Variants in SRGAP2C observed in about 807,000 individuals in gnomAD.
SRGAP2C encodes SLIT-ROBO Rho GTPase activating protein 2C.
Under a neutral mutation model 25.1 loss-of-function variants are expected in SRGAP2C, and 15 were observed. The observed-to-expected ratio is 0.60, with a 90% confidence interval of 0.40 to 0.92. SRGAP2C has a LOEUF of 0.92. SRGAP2C is among the 40% of genes least tolerant of loss of function. SRGAP2C has a pLI of 0.00. For missense variants in SRGAP2C, 144 were observed against 264.4 expected, an observed-to-expected ratio of 0.54 and a Z score of 3.16; for synonymous variants, 44 against 96.6, an observed-to-expected ratio of 0.46 and a Z score of 3.19.
rs1432890029 is a variant in SRGAP2C at position 121,267,791 on chromosome 1, C to T, written c.68-17012C>T. 2.4e-3 allele frequency among the ~76,000 whole-genome samples: 318 copies of T among 131,954 alleles called. 3 individuals carry two copies. The highest frequency in any genetic ancestry group is 3.8e-3 in the Middle Eastern group (1 of 260). 86.6% of individuals were successfully genotyped at this position (131,954 alleles called of 152,430 possible). ...TAAATAATGAAGGAAAAACACTTGT[C>T]AAAATATAGCAGAGGTGACTAGATA... is the stretch of plus-strand genomic sequence containing the variant. On this transcript the variant is annotated intron_variant, in intron 2 of 9. Coordinates refer to ENST00000367123, the MANE Select transcript of SRGAP2C (RefSeq NM_001329984.2).
chr1:121,268,046 G>C lies in SRGAP2C; in HGVS notation c.68-16757G>C, dbSNP rs1391685809. Among the ~76,000 whole-genome samples, 384 of 144,986 alleles carry C rather than the reference G, an allele frequency of 2.6e-3. 3 individuals are homozygous for C. The highest frequency in any genetic ancestry group is 4.5e-3 in the Non-Finnish European group (291 of 65,202). On this transcript the variant is annotated intron_variant, in intron 2 of 9. Coordinates refer to ENST00000367123, the MANE Select transcript of SRGAP2C (RefSeq NM_001329984.2). ...GTGCTTACTCTATGTGAGGCACTGT[G>C]GCATCGGGGATCAGCAGGGAACAAA...
intron 4 of SRGAP2C, among the ~76,000 whole-genome samples, chr1:121,338,491 T>C (rs1386787703): frequency 9.5e-6 from 1 of 105,238 alleles, no homozygotes; most frequent in East Asian, 2.5e-4. Flanking sequence ...TCTGGTCTTT[T>C]AGTTTTTCTA....
intron 2 of SRGAP2C, among the ~76,000 whole-genome samples, chr1:121,212,985 C>T (rs1308005136): frequency 1.6e-5 from 2 of 127,910 alleles, no homozygotes; most frequent in African/African-American, 2.8e-5. Context: ...TCCAGTTTGA[C>T]CTACTTAACA....
At chr1:121,346,603 A>T (rs1413327419) in intron 4 of SRGAP2C, among the ~76,000 whole-genome samples, 5 of 152,134 alleles carry the variant, frequency 3.3e-5, no homozygotes, top group African/African-American at 1.2e-4. Flanking sequence ...GCGAGAGAAG[A>T]AAGAGTTAAG....
At chr1:121,223,291 A>G (rs1655579145) in intron 2 of SRGAP2C, among the ~76,000 whole-genome samples, 1 of 147,314 alleles carries the variant, frequency 6.8e-6, no homozygotes, top group African/African-American at 2.5e-5. Context: ...TGCTTTATGG[A>G]TTTAAAAGGT....
chr1:121,372,749 A>G lies in SRGAP2C; in HGVS notation c.487-1222A>G, dbSNP rs1400146788. ...TATCTTTAGAAATAGAAATAATAAC[A>G]GTGTCTTTCACAGAGTTATTGTAAG... On this transcript the variant is annotated intron_variant, in intron 5 of 9. Transcript: ENST00000367123. Among the ~76,000 whole-genome samples the G allele has an allele frequency of 1.0e-4, 7 of 68,680 alleles. 1 individual carries two copies. Among genetic ancestry groups the G allele is most frequent in the African/African-American group, 2.2e-4 (3 of 13,708 alleles). 45.1% of individuals were successfully genotyped at this position (68,680 alleles called of 152,430 possible). A position where few individuals can be genotyped will look rare whatever the true frequency, so the allele number is the denominator to read the frequency against.
chr1:121,347,816 C>T (rs1451488258), intron 4 of SRGAP2C, among the ~76,000 whole-genome samples: 1 of 150,990 alleles, frequency 6.6e-6, no homozygotes, highest in Non-Finnish European at 1.5e-5. Context: ...CAGCTCCACA[C>T]ATGCCAGAGA....
At chr1:121,314,534 G>C (rs1354230749) in intron 3 of SRGAP2C, among the ~76,000 whole-genome samples, 1 of 152,024 alleles carries the variant, frequency 6.6e-6, no homozygotes, top group African/African-American at 2.4e-5. Context: ...TTTCTGTTCT[G>C]TTTTTTCCCC....
chr1:121,211,458 C>CACACACACACACACACACACAT (rs1553323708), intron 2 of SRGAP2C, among the ~76,000 whole-genome samples: 1 of 139,392 alleles, frequency 7.2e-6, no homozygotes, highest in Non-Finnish European at 1.6e-5. Flanking sequence ...CACACACACA[C>CACACACACACACACACACACAT]ACATCTTACC....
chr1:121,308,323 T>C (rs1657895820), intron 3 of SRGAP2C, among the ~76,000 whole-genome samples: 1 of 149,714 alleles, frequency 6.7e-6, no homozygotes, highest in African/African-American at 2.5e-5. Flanking sequence ...ATCTTGAAAG[T>C]CCCTTCTAGC....
chr1:121,335,121 C>T (rs1380343278), intron 4 of SRGAP2C, among the ~76,000 whole-genome samples: 2 of 148,660 alleles, frequency 1.3e-5, no homozygotes, highest in Admixed American at 1.3e-4. Flanking sequence ...GGTGAAACCC[C>T]GTCTCTACTA....
At chr1:121,239,226 ATAC>A (rs1285247778) in intron 2 of SRGAP2C, among the ~76,000 whole-genome samples, 3 of 4,440 alleles carry the variant, frequency 6.8e-4, no homozygotes, top group African/African-American at 2.1e-3. Context: ...ATATATATAT[ATAC>A]TATATATATA....
chr1:121,310,327 C>A (rs1460847128), intron 3 of SRGAP2C, among the ~76,000 whole-genome samples: 4 of 106,698 alleles, frequency 3.7e-5, no homozygotes, highest in East Asian at 5.8e-4. Context: ...GATATTAGCC[C>A]TTTGTCAGAT....
In SRGAP2C at chr1:121,389,112, T is replaced by G. The variant is rs1271995302; in HGVS notation, c.*1257T>G. The G allele has an allele frequency of 6.6e-6, 1 of 152,126 alleles. No homozygotes were observed. Among genetic ancestry groups the G allele is most frequent in the African/African-American group, 2.4e-5 (1 of 41,446 alleles). 9.4% of individuals were successfully genotyped at this position (152,126 alleles called of 1,614,324 possible). On this transcript the variant is annotated 3_prime_UTR_variant, in exon 10 of 10. Coordinates refer to ENST00000367123, the MANE Select transcript of SRGAP2C (RefSeq NM_001329984.2). ...ATAGGACACTGCTGTACATATTGTT[T>G]TACAATCTAAGTCATATAATTATAA...
At chr1:121,361,327 T>C (rs1659186760) in intron 4 of SRGAP2C, 2 of 126,734 alleles carry the variant, frequency 1.6e-5, no homozygotes, top group Admixed American at 1.7e-4. Context: ...GCTCAGGAAA[T>C]GTACTGATTT....
chr1:121,294,590 GT>G (rs1211463871), intron 3 of SRGAP2C, among the ~76,000 whole-genome samples: 1,740 of 57,886 alleles, frequency 0.03, 568 homozygotes, highest in East Asian at 0.13. Context: ...TGCATTGGCT[GT>G]TTTTTTTTTT....
chr1:121,263,180 C>T (rs1367902130), intron 2 of SRGAP2C, among the ~76,000 whole-genome samples: 3 of 150,490 alleles, frequency 2.0e-5, no homozygotes, highest in African/African-American at 7.3e-5. Context: ...ATAGCGAAAT[C>T]CTGTCTCTAC....
chr1:121,247,004 ACTTAGAAAATTGCTC>A (rs1181344981), intron 2 of SRGAP2C, among the ~76,000 whole-genome samples: 1 of 127,652 alleles, frequency 7.8e-6, no homozygotes, highest in East Asian at 2.2e-4. Flanking sequence ...CTTGAGAGGC[ACTTAGAAAATTGCTC>A]CTAAAGTCCT....
chr1:121,275,607 A>C (rs1195086771), intron 2 of SRGAP2C, among the ~76,000 whole-genome samples: 1 of 148,348 alleles, frequency 6.7e-6, no homozygotes, highest in Non-Finnish European at 1.5e-5. Flanking sequence ...GAGTCACTTG[A>C]AAGAACTAAG....
Sources: gnomAD v4.1 joint callset for allele counts (sites outside exome capture counted in the v4.1 genomes callset) on GRCh38, gnomAD v4.1.1 for gene constraint, MANE v1.5 for transcripts, NCBI Gene and HGNC (gene_info 2026-07-23, HGNC 2026-07-21) for gene names.